Variants in ATRNL1 observed in about 807,000 individuals in gnomAD.
The protein encoded by ATRNL1 is attractin-like protein 1.
Under a neutral mutation model 182.7 loss-of-function variants are expected in ATRNL1, and 95 were observed. That is an observed-to-expected ratio of 0.52 (90% CI 0.44 to 0.62). The LOEUF (loss-of-function observed/expected upper bound fraction) is 0.62, where lower values mean the gene tolerates loss of function less well. ATRNL1 is among the 20% of genes least tolerant of loss of function. The probability of loss-of-function intolerance (pLI) is 0.00; values close to 1 mark genes in which losing one functional copy is unlikely to be tolerated. For synonymous variants in ATRNL1, 576 were observed against 568.3 expected (o/e 1.01, Z -0.19); for missense variants, 1,471 against 1,679.5 (o/e 0.88, Z 2.17).
intron 27 of ATRNL1, among the ~76,000 whole-genome samples, chr10:115,728,131 A>G (rs1269367110): frequency 1.2e-4 from 7 of 59,542 alleles, no homozygotes; most frequent in African/African-American, 2.8e-4. Flanking sequence ...AAAAAAAGAA[A>G]AAAAAAAAAA....
intron 10 of ATRNL1, 101 bp from the exon 11 acceptor site, chr10:115,265,092 A>T: frequency 1.5e-6 from 1 of 654,236 alleles, no homozygotes; most frequent in Non-Finnish European, 2.5e-6. Flanking sequence ...CTTCCTGCTT[A>T]TGCATAGTGT....
chr10:115,708,466 T>C (rs1340554482), intron 26 of ATRNL1, among the ~76,000 whole-genome samples: 1 of 151,752 alleles, frequency 6.6e-6, no homozygotes, highest in Non-Finnish European at 1.5e-5. Context: ...TCTATATACG[T>C]TGATAATTTT....
At chr10:115,875,560 G>C (rs1488902526) in intron 28 of ATRNL1, among the ~76,000 whole-genome samples, 3 of 152,214 alleles carry the variant, frequency 2.0e-5, no homozygotes, top group Admixed American at 6.5e-5. Context: ...TGAGGATAGA[G>C]ATTCAAGGAT....
At chr10:115,204,826 G>A (rs1381933402) in intron 8 of ATRNL1, among the ~76,000 whole-genome samples, 1 of 152,040 alleles carries the variant, frequency 6.6e-6, no homozygotes, top group African/African-American at 2.4e-5. Context: ...CTATTTTGTG[G>A]AAAAGTTTGA....
At chr10:115,421,851 T>C (rs1373705253) in intron 20 of ATRNL1, among the ~76,000 whole-genome samples, 3 of 152,124 alleles carry the variant, frequency 2.0e-5, no homozygotes, top group Admixed American at 2.0e-4. Context: ...GACAGACACA[T>C]AGACCAATGG....
intron 21 of ATRNL1, among the ~76,000 whole-genome samples, chr10:115,451,647 C>G (rs678632): frequency 1.3e-5 from 2 of 152,046 alleles, no homozygotes; most frequent in South Asian, 4.1e-4. Flanking sequence ...AGGGAGCACT[C>G]ATACACTGTT....
intron 8 of ATRNL1, among the ~76,000 whole-genome samples, chr10:115,205,284 TG>T (rs781817577): frequency 4.6e-5 from 7 of 151,936 alleles, no homozygotes; most frequent in Non-Finnish European, 8.8e-5. Context: ...GGACTTTGCC[TG>T]TTTTTTTTCA....
intron 5 of ATRNL1, among the ~76,000 whole-genome samples, chr10:115,129,910 CA>C: frequency 6.6e-6 from 1 of 152,038 alleles, no homozygotes; most frequent in East Asian, 1.9e-4. Flanking sequence ...TAGTATACTA[CA>C]AAAATAAATG....
intron 8 of ATRNL1, among the ~76,000 whole-genome samples, chr10:115,212,386 T>C (rs1399333601): frequency 6.6e-6 from 1 of 151,990 alleles, no homozygotes; most frequent in East Asian, 1.9e-4. Flanking sequence ...GGAATGCTTA[T>C]ACACTGTTGG....
At chr10:115,426,369 C>A in intron 21 of ATRNL1, 67 bp downstream of exon 21, 1 of 1,147,952 alleles carries the variant, frequency 8.7e-7, no homozygotes, top group South Asian at 1.6e-5. Flanking sequence ...TAATAAAGGT[C>A]ATCTTGAATA....
At chr10:115,642,530 G>A (rs965643972) in intron 26 of ATRNL1, among the ~76,000 whole-genome samples, 2 of 151,134 alleles carry the variant, frequency 1.3e-5, no homozygotes, top group Non-Finnish European at 2.9e-5. Context: ...TGCAACCTCT[G>A]CCTCCCGGGT....
At chr10:115,166,504 C>T (rs1396374532) in intron 7 of ATRNL1, among the ~76,000 whole-genome samples, 3 of 151,344 alleles carry the variant, frequency 2.0e-5, no homozygotes, top group African/African-American at 7.3e-5. Flanking sequence ...ACTATGGCTG[C>T]ACCATTTTAC....
At chr10:115,418,843 A>G (rs1845523768) in intron 20 of ATRNL1, among the ~76,000 whole-genome samples, 11 of 152,222 alleles carry the variant, frequency 7.2e-5, no homozygotes, top group Admixed American at 7.2e-4. Context: ...TACTATAGGC[A>G]GAAAAGGTGT....
chr10:115,789,154 T>C (rs1949467171), intron 27 of ATRNL1, among the ~76,000 whole-genome samples: 1 of 152,182 alleles, frequency 6.6e-6, no homozygotes, highest in Non-Finnish European at 1.5e-5. Flanking sequence ...GGTTAGCAGG[T>C]TTTGGTGTTG....
At chr10:115,929,234 C>G (rs1201284522) in intron 28 of ATRNL1, among the ~76,000 whole-genome samples, 2 of 151,846 alleles carry the variant, frequency 1.3e-5, no homozygotes, top group Non-Finnish European at 2.9e-5. Context: ...TATTTCTTAA[C>G]TGGTATTTAG....
Position 115,482,482 on chromosome 10 carries a change from T to C in ATRNL1, c.3654+13153T>C, listed in dbSNP as rs192850775. On this transcript the variant is annotated intron_variant, in intron 24 of 28. Transcript: ENST00000355044. ...ACGAGAATAAAAATGCTTCTTTTAT[T>C]AATATATTTATAATACTGAATCATA... is the stretch of plus-strand genomic sequence containing the variant. Among the ~76,000 whole-genome samples, 411 of 151,128 alleles carry C rather than the reference T, an allele frequency of 2.7e-3. 5 individuals carry two copies. Among genetic ancestry groups the C allele is most frequent in the Middle Eastern group, 0.014 (4 of 294 alleles).
At chr10:115,697,693 A>G (rs1946608338) in intron 26 of ATRNL1, among the ~76,000 whole-genome samples, 1 of 152,142 alleles carries the variant, frequency 6.6e-6, no homozygotes, top group Admixed American at 6.5e-5. Context: ...TACTTTTATT[A>G]ATGTAAATGT....
At chr10:115,246,893 T>C (rs1025358747) in intron 10 of ATRNL1, among the ~76,000 whole-genome samples, 1 of 152,172 alleles carries the variant, frequency 6.6e-6, no homozygotes, top group Non-Finnish European at 1.5e-5. Context: ...TGTATCCATT[T>C]TGAGAGACTG....
At chr10:115,459,241 C>T (rs1393270254) in intron 21 of ATRNL1, among the ~76,000 whole-genome samples, 1 of 151,894 alleles carries the variant, frequency 6.6e-6, no homozygotes, top group African/African-American at 2.4e-5. Flanking sequence ...AATGTGGGCA[C>T]CCTGAAAAAA....
Sources: allele counts gnomAD v4.1 joint callset (sites outside exome capture counted in the v4.1 genomes callset), GRCh38; gene constraint gnomAD v4.1.1; transcripts MANE v1.5; gene names NCBI Gene and HGNC (gene_info 2026-07-23, HGNC 2026-07-21).